Variants in STK36 observed in about 807,000 individuals in gnomAD.
STK36 encodes the protein serine/threonine kinase 36.
In STK36, 116 loss-of-function variants were observed where a neutral mutation model predicts 142.2. That is an observed-to-expected ratio of 0.82 (90% CI 0.70 to 0.95). The LOEUF (loss-of-function observed/expected upper bound fraction) is 0.95, where lower values mean the gene tolerates loss of function less well. Ranked by LOEUF, STK36 falls within the 40% of genes least tolerant of loss-of-function variation. The pLI is 0.00. For missense variants in STK36, 1,422 were observed against 1,617.2 expected, an observed-to-expected ratio of 0.88 and a Z score of 2.07; for synonymous variants, 619 against 641.7, an observed-to-expected ratio of 0.96 and a Z score of 0.53.
intron 13 of STK36, 24 bp downstream of exon 13, chr2:218,689,980 T>C (rs1478027900): frequency 3.9e-6 from 6 of 1,557,750 alleles, no homozygotes; most frequent in Non-Finnish European, 5.2e-6. Context: ...TGCTTTTGCA[T>C]TGTTGGCAAG....
In STK36 at chr2:218,690,476, A is replaced by G. The variant is rs146917280; in HGVS notation, c.1685A>G (p.Asn562Ser). The G allele has an allele frequency of 9.3e-6, 15 of 1,614,060 alleles. No homozygotes were observed. The African/African-American group carries it at 1.1e-4, about 11-fold the overall frequency. Residue 562 changes from asparagine to serine, a missense_variant, in exon 14 of 27, where the codon AAC becomes AGC. Around this residue, in one of 2 missense-constraint regions of STK36, gnomAD observed 962 missense variants for 1,167.5 expected, o/e 0.82. Transcript: ENST00000295709. Reference sequence around the variant, plus strand: ...CTGCAGGTGTTTCAGGAGGCTGCCAACCTTTTTCTGGACCTGTTGGGGAAA... The same window carrying G: ...CTGCAGGTGTTTCAGGAGGCTGCCAGCCTTTTTCTGGACCTGTTGGGGAAA... ...DSLQVFQEAANLFLDLLGKLL... is the reference protein window; with the variant it reads ...DSLQVFQEAASLFLDLLGKLL...
At chr2:218,690,989 A>G (rs903426165) in intron 14 of STK36, among the ~76,000 whole-genome samples, 6 of 152,214 alleles carry the variant, frequency 3.9e-5, no homozygotes, top group Admixed American at 3.9e-4. Context: ...CAGAAAGAGT[A>G]ACATATATAA....
chr2:218,696,333 T>C (rs1028335707), intron 21 of STK36, among the ~76,000 whole-genome samples, 194 bp from the exon 22 acceptor site: 1 of 152,144 alleles, frequency 6.6e-6, no homozygotes, highest in African/African-American at 2.4e-5. Context: ...AGTCAGAACT[T>C]TGGGAGTCAT....
chr2:218,674,494 C>T (rs1940143384), intron 4 of STK36, among the ~76,000 whole-genome samples: 1 of 152,192 alleles, frequency 6.6e-6, no homozygotes. Flanking sequence ...TTTGTCTGTA[C>T]CCAAGCAAGT....
At chr2:218,696,285 A>G (rs1398435774) in intron 21 of STK36, among the ~76,000 whole-genome samples, 1 of 152,234 alleles carries the variant, frequency 6.6e-6, no homozygotes. Context: ...GAGAGGTTGT[A>G]TCACTAGTGA....
chr2:218,687,827 G>C (rs564804131), intron 11 of STK36, among the ~76,000 whole-genome samples: 2 of 152,278 alleles, frequency 1.3e-5, no homozygotes, highest in East Asian at 1.9e-4. Context: ...TAAAATACTT[G>C]GTGTAAATGT....
At chr2:218,680,124 C>T in intron 9 of STK36, 44 bp downstream of exon 9, 3 of 1,585,160 alleles carry the variant, frequency 1.9e-6, no homozygotes, top group Non-Finnish European at 2.6e-6. Flanking sequence ...AGGTATCTTG[C>T]ACATCTTTAA....
At chr2:218,681,357 C>T (rs533920642) in intron 10 of STK36, among the ~76,000 whole-genome samples, 2 of 152,248 alleles carry the variant, frequency 1.3e-5, no homozygotes, top group Non-Finnish European at 1.5e-5. Flanking sequence ...AAACTCCTGA[C>T]CTCAGGTGAT....
chr2:218,674,589 T>C (rs1187878089), intron 4 of STK36, among the ~76,000 whole-genome samples: 5 of 152,204 alleles, frequency 3.3e-5, no homozygotes, highest in Non-Finnish European at 7.3e-5. Flanking sequence ...ATTTTTGAAA[T>C]TATTTTATTT....
chr2:218,676,027 A>C lies in STK36; in HGVS notation c.435-2A>C. On this transcript the variant is annotated splice_acceptor_variant, in intron 5 of 26. Transcript: ENST00000295709. LOFTEE classifies it high-confidence loss of function. Reference sequence around the variant, plus strand: ...CCATTTCCATCCCATTATCTTCTGCAGATTTGCCCGGGCTATGAGCACCAA... The same window carrying C: ...CCATTTCCATCCCATTATCTTCTGCCGATTTGCCCGGGCTATGAGCACCAA... 1.2e-6 allele frequency: 2 copies of C among 1,613,600 alleles called. No homozygotes were observed. Among genetic ancestry groups the C allele is most frequent in the East Asian group, 2.2e-5 (1 of 44,886 alleles).
At chr2:218,689,578 G>A (rs1170988456) in intron 12 of STK36, among the ~76,000 whole-genome samples, 2 of 152,174 alleles carry the variant, frequency 1.3e-5, no homozygotes, top group Admixed American at 6.5e-5. Context: ...TTAATCTTGG[G>A]TGATTTTAAG....
chr2:218,677,144 G>C (rs1940290950), intron 6 of STK36, among the ~76,000 whole-genome samples: 3 of 151,644 alleles, frequency 2.0e-5, no homozygotes, highest in Non-Finnish European at 2.9e-5. Context: ...TGTTGGTCAG[G>C]CTGGTCTCGA....
At chr2:218,685,888 T>C (rs946479327) in intron 11 of STK36, among the ~76,000 whole-genome samples, 38 of 152,332 alleles carry the variant, frequency 2.5e-4, no homozygotes, top group African/African-American at 8.9e-4. Flanking sequence ...CTGTTAACCA[T>C]AGTTCAGTTT....
At chr2:218,681,600 A>AT (rs1194560142) in intron 10 of STK36, among the ~76,000 whole-genome samples, 22 of 152,304 alleles carry the variant, frequency 1.4e-4, no homozygotes, top group African/African-American at 5.1e-4. Flanking sequence ...AAGAACAGAA[A>AT]TTTATTTCTC....
chr2:218,698,141 G>A, intron 25 of STK36, 140 bp downstream of exon 25: 1 of 1,218,196 alleles, frequency 8.2e-7, no homozygotes, highest in Non-Finnish European at 1.1e-6. Flanking sequence ...TTGGCGTGGA[G>A]ACAGTACTCA....
At chr2:218,698,498 A>T in intron 25 of STK36, 104 bp from the exon 26 acceptor site, 1 of 1,421,648 alleles carries the variant, frequency 7.0e-7, no homozygotes, top group Middle Eastern at 1.8e-4. Context: ...TCTCTGTGGC[A>T]TTTCTCACCA....
intron 25 of STK36, 35 bp downstream of exon 25, chr2:218,698,036 A>G (rs1216458178): frequency 6.2e-7 from 1 of 1,613,268 alleles, no homozygotes. Context: ...TGGGAGAGGA[A>G]GATAGCCAAC....
At chr2:218,672,976 G>C in intron 2 of STK36, 63 bp downstream of exon 2, 1 of 1,412,486 alleles carries the variant, frequency 7.1e-7, no homozygotes, top group Non-Finnish European at 1.0e-6. Flanking sequence ...AGTGGAAAAT[G>C]GATCTAGAAG....
intron 4 of STK36, among the ~76,000 whole-genome samples, 163 bp downstream of exon 4, chr2:218,674,119 T>C (rs1234379558): frequency 6.6e-5 from 10 of 152,182 alleles, no homozygotes; most frequent in African/African-American, 2.4e-4. Flanking sequence ...GTAAATTATG[T>C]AAACGTTGGA....
Sources: gnomAD v4.1 joint callset for allele counts (sites outside exome capture counted in the v4.1 genomes callset) on GRCh38, gnomAD v4.1.1 for gene constraint, gnomAD v4.1.1 regional missense constraint, MANE v1.5 for transcripts, NCBI Gene and HGNC (gene_info 2026-07-23, HGNC 2026-07-21) for gene names.